MYCBP2: variants seen among roughly 807,000 people sequenced by gnomAD.
MYCBP2 encodes the protein E3 ubiquitin-protein ligase MYCBP2.
MYCBP2 carries 120 observed loss-of-function variants against 525.3 expected under a neutral mutation model. The ratio of observed to expected loss-of-function variants is 0.23; its 90% CI spans 0.20 to 0.27. The LOEUF (loss-of-function observed/expected upper bound fraction) is 0.27. Among genes scored for constraint, MYCBP2 ranks in the 10% least tolerant of loss-of-function variants. The pLI is 1.00. For synonymous variants in MYCBP2, 1,894 were observed against 1,955.8 expected (o/e 0.97, Z 0.83); for missense variants, 4,149 against 5,657.1 (o/e 0.73, Z 8.55).
intron 1 of MYCBP2, among the ~76,000 whole-genome samples, chr13:77,323,340 A>G (rs1236690356): frequency 6.6e-6 from 1 of 152,222 alleles, no homozygotes; most frequent in Non-Finnish European, 1.5e-5. Flanking sequence ...CCTAAAGCAA[A>G]GAGTAATTAA....
intron 1 of MYCBP2, among the ~76,000 whole-genome samples, chr13:77,312,938 C>A (rs1414705026): frequency 7.2e-5 from 11 of 151,854 alleles, no homozygotes; most frequent in Non-Finnish European, 1.6e-4. Context: ...ATTTATAGAA[C>A]TTCATGTCCA....
chr13:77,061,048 C>G, intron 76 of MYCBP2, 121 bp downstream of exon 76: 2 of 1,082,526 alleles, frequency 1.8e-6, no homozygotes, highest in Non-Finnish European at 1.3e-6. Flanking sequence ...ATATATAGAT[C>G]AATGATGTCA....
Position 77,076,923 on chromosome 13 carries a change from T to C in MYCBP2, c.11725-74A>G, listed in dbSNP as rs569002410. The C allele has an allele frequency of 1.9e-4, 228 of 1,231,896 alleles. No individual in the cohort carries two copies. The African/African-American group carries it at 2.9e-3, about 16-fold the overall frequency. 76.3% of individuals were successfully genotyped at this position (1,231,896 alleles called of 1,614,324 possible). A position where few individuals can be genotyped will look rare whatever the true frequency, so the allele number is the denominator to read the frequency against. On this transcript the variant is annotated intron_variant, in intron 67 of 82. Coordinates refer to ENST00000544440, the MANE Select transcript of MYCBP2 (RefSeq NM_015057.5). ...TATATTGGCCAGAGGACTCATTAGCTGATTCCGCAGGTTTTATAATATGCT... is the reference window on the plus strand; with the variant it reads ...TATATTGGCCAGAGGACTCATTAGCCGATTCCGCAGGTTTTATAATATGCT...
In MYCBP2 at chr13:77,059,519, T is replaced by C. The variant is rs186942015; in HGVS notation, c.13140+4A>G. 1.9e-6 allele frequency: 3 copies of C among 1,607,244 alleles called. No homozygotes were observed. Among genetic ancestry groups the C allele is most frequent in the African/African-American group, 1.3e-5 (1 of 74,894 alleles). ...TGGGATGGCCTGTGTCACTATATAC[T>C]CACCTGGCAATCTGCATCAGAACAA... is the stretch of plus-strand genomic sequence containing the variant. On this transcript the variant is annotated splice_donor_region_variant and intron_variant, in intron 77 of 82. Coordinates refer to ENST00000544440, the MANE Select transcript of MYCBP2 (RefSeq NM_015057.5).
chr13:77,077,449 G>C, intron 66 of MYCBP2, 62 bp from the exon 67 acceptor site: 2 of 1,582,588 alleles, frequency 1.3e-6, no homozygotes, highest in Non-Finnish European at 1.7e-6. Context: ...CACTGTGCTG[G>C]ACTTAGCATT....
At chr13:77,194,267 C>T (rs2061548193) in intron 26 of MYCBP2, 23 bp from the exon 27 acceptor site, 8 of 1,538,026 alleles carry the variant, frequency 5.2e-6, no homozygotes, top group Admixed American at 1.7e-5. Context: ...GAAAGACAAT[C>T]ATTTATATAA....
At chr13:77,313,999 A>C (rs1363979272) in intron 1 of MYCBP2, among the ~76,000 whole-genome samples, 2 of 152,164 alleles carry the variant, frequency 1.3e-5, no homozygotes, top group Admixed American at 6.5e-5. Context: ...GAACATAGAC[A>C]ACATCAAATG....
intron 15 of MYCBP2, among the ~76,000 whole-genome samples, chr13:77,245,318 C>A (rs1443580311): frequency 1.3e-5 from 2 of 152,090 alleles, no homozygotes; most frequent in Non-Finnish European, 2.9e-5. Context: ...ACGTTTATTT[C>A]ATCATTATTC....
intron 52 of MYCBP2, among the ~76,000 whole-genome samples, chr13:77,136,715 G>C (rs554275723): frequency 6.6e-6 from 1 of 152,054 alleles, no homozygotes; most frequent in East Asian, 1.9e-4. Flanking sequence ...TCATTCTTTT[G>C]ATTCTGAACT....
chr13:77,084,940 GCT>G (rs1291177272), intron 62 of MYCBP2, among the ~76,000 whole-genome samples: 2 of 151,802 alleles, frequency 1.3e-5, no homozygotes, highest in Non-Finnish European at 2.9e-5. Context: ...CTCTGCTTGG[GCT>G]CTTTTCCCAA....
rs1046290941 is a variant in MYCBP2, at chr13:77,176,540, C to G, written c.5429G>C (p.Ser1810Thr). ...GTCAAGTCTGATCTCAGCTATATCA[C>G]TGGGTGAGTCATCCGTTGTGTACGT... is the stretch of plus-strand genomic sequence containing the variant. ...KGTYTTDDSP[S>T]DIAEIRLDKV... The change falls in exon 36 of 83, where the codon AGT becomes ACT. Residue 1810 changes from serine (S) to threonine (T), a missense_variant. This residue lies in a region of MYCBP2 where 109 missense variants were observed against 118.9 expected (regional missense o/e 0.92). Coordinates refer to ENST00000544440, the MANE Select transcript of MYCBP2 (RefSeq NM_015057.5). 4 of 1,598,916 alleles carry G rather than the reference C, an allele frequency of 2.5e-6. No individual in the cohort carries two copies. Among genetic ancestry groups the G allele is most frequent in the Non-Finnish European group, 3.4e-6 (4 of 1,170,258 alleles).
intron 21 of MYCBP2, among the ~76,000 whole-genome samples, chr13:77,212,820 A>G (rs2154282881): frequency 6.6e-6 from 1 of 152,334 alleles, no homozygotes; most frequent in Admixed American, 6.5e-5. Flanking sequence ...AAAAAGTAAT[A>G]GGAAGTTTCT....
chr13:77,228,859 A>G (rs2066726938), intron 18 of MYCBP2, among the ~76,000 whole-genome samples: 1 of 152,184 alleles, frequency 6.6e-6, no homozygotes, highest in African/African-American at 2.4e-5. Flanking sequence ...AAGAGGGTTC[A>G]GTATCTAAGG....
At chr13:77,154,101 T>G (rs1024021461) in intron 46 of MYCBP2, among the ~76,000 whole-genome samples, 1 of 152,162 alleles carries the variant, frequency 6.6e-6, no homozygotes, top group Non-Finnish European at 1.5e-5. Context: ...TCTAAAGTGC[T>G]CCTAAGACTT....
chr13:77,089,116 C>A, intron 60 of MYCBP2, 85 bp from the exon 61 acceptor site: 15 of 1,004,834 alleles, frequency 1.5e-5, no homozygotes, highest in Non-Finnish European at 2.1e-5. Flanking sequence ...TCACTTAAAG[C>A]CTTTGTCATT....
intron 30 of MYCBP2, among the ~76,000 whole-genome samples, chr13:77,188,073 C>CAAAAAAA (rs745537934): frequency 3.8e-5 from 2 of 53,228 alleles, no homozygotes; most frequent in Admixed American, 2.0e-4. Context: ...TCTGCCTCAC[C>CAAAAAAA]AAAAAAAAAA....
Position 77,070,717 on chromosome 13 carries a change from C to CAA in MYCBP2, c.11824-7_11824-6insTT. ...AGGTCAGCATCTGATGTTGCCTTTA[C>CAA]ATAGAAAAAGAAAAAAAAAAAAAAG... On this transcript the variant is annotated splice_polypyrimidine_tract_variant and splice_region_variant and intron_variant, in intron 68 of 82. Coordinates refer to ENST00000544440, the MANE Select transcript of MYCBP2 (RefSeq NM_015057.5). 1.4e-6 allele frequency: 2 copies of CAA among 1,455,614 alleles called. No individual in the cohort carries two copies. Among genetic ancestry groups the CAA allele is most frequent in the Admixed American group, 4.2e-5 (2 of 48,062 alleles). 90.2% of individuals were successfully genotyped at this position (1,455,614 alleles called of 1,614,324 possible).
intron 1 of MYCBP2, among the ~76,000 whole-genome samples, chr13:77,318,740 C>T (rs894237806): frequency 6.6e-6 from 1 of 152,076 alleles, no homozygotes; most frequent in Non-Finnish European, 1.5e-5. Context: ...GGTGACAGAG[C>T]GAGACTCTGC....
chr13:77,069,293 C>A (rs1432122105), intron 69 of MYCBP2, among the ~76,000 whole-genome samples: 1 of 152,150 alleles, frequency 6.6e-6, no homozygotes, highest in African/African-American at 2.4e-5. Context: ...AAAATAAATT[C>A]ATGTTGTAGT....
Sources: gnomAD v4.1 joint callset for allele counts (sites outside exome capture counted in the v4.1 genomes callset) on GRCh38, gnomAD v4.1.1 for gene constraint, gnomAD v4.1.1 regional missense constraint, MANE v1.5 for transcripts, NCBI Gene and HGNC (gene_info 2026-07-23, HGNC 2026-07-21) for gene names.